The following MSI2 variants were observed in gnomAD, a reference collection of about 807,000 sequenced individuals.
MSI2 encodes RNA-binding protein Musashi homolog 2.
MSI2 carries 17 observed loss-of-function variants against 45.6 expected under a neutral mutation model. The observed-to-expected ratio is 0.37, with a 90% CI of 0.26 to 0.56. The LOEUF is 0.56. Among genes scored for constraint, MSI2 ranks in the 20% least tolerant of loss-of-function variants. MSI2 has a pLI of 0.77. For synonymous variants in MSI2, 156 were observed against 158.2 expected (o/e 0.99, Z 0.11); for missense variants, 293 against 444.2 (o/e 0.66, Z 3.06).
At chr17:57,669,396 G>T (rs971352125) in intron 11 of MSI2, among the ~76,000 whole-genome samples, 1 of 152,212 alleles carries the variant, frequency 6.6e-6, no homozygotes, top group Non-Finnish European at 1.5e-5. Flanking sequence ...GCAGAAAGTT[G>T]CTCTTACTCT....
At chr17:57,473,354 A>G (rs993288238) in intron 6 of MSI2, among the ~76,000 whole-genome samples, 9 of 152,222 alleles carry the variant, frequency 5.9e-5, no homozygotes, top group Non-Finnish European at 1.3e-4. Context: ...ACGGATGTAT[A>G]TATAACTCAT....
At chr17:57,455,290 C>T (rs2085091193) in intron 6 of MSI2, among the ~76,000 whole-genome samples, 1 of 152,186 alleles carries the variant, frequency 6.6e-6, no homozygotes, top group Non-Finnish European at 1.5e-5. Flanking sequence ...GAAGCCCCTG[C>T]CCCCCAACTC....
intron 7 of MSI2, among the ~76,000 whole-genome samples, chr17:57,550,066 C>T (rs2087267223): frequency 6.6e-6 from 1 of 152,226 alleles, no homozygotes; most frequent in Admixed American, 6.5e-5. Context: ...CTCTCCCTAC[C>T]CCATCCCCGC....
At chr17:57,274,780 C>T (rs1158879042) in intron 5 of MSI2, among the ~76,000 whole-genome samples, 3 of 152,150 alleles carry the variant, frequency 2.0e-5, no homozygotes, top group African/African-American at 7.2e-5. Context: ...TTGTTGGCAG[C>T]ACGGGCTTTG....
chr17:57,382,799 C>G (rs971820313), intron 5 of MSI2, among the ~76,000 whole-genome samples: 2 of 152,170 alleles, frequency 1.3e-5, no homozygotes, highest in Non-Finnish European at 2.9e-5. Context: ...TAAAACTAAG[C>G]CAAATGTCTT....
intron 8 of MSI2, among the ~76,000 whole-genome samples, chr17:57,602,469 C>T (rs908239335): frequency 1.2e-4 from 18 of 152,200 alleles, no homozygotes; most frequent in African/African-American, 2.9e-4. Flanking sequence ...TCTCGTGCCT[C>T]GGCCTCCCGA....
chr17:57,503,702 C>A (rs1176090204), intron 6 of MSI2, among the ~76,000 whole-genome samples: 2 of 152,162 alleles, frequency 1.3e-5, no homozygotes, highest in African/African-American at 4.8e-5. Context: ...GATGTGGTTC[C>A]TGTTCACAGG....
chr17:57,652,701 A>G lies in MSI2; in HGVS notation c.790+540A>G, dbSNP rs953051421. Among the ~76,000 whole-genome samples the G allele has an allele frequency of 1.1e-4, 16 of 152,322 alleles. No homozygotes were observed. Among genetic ancestry groups the G allele is most frequent in the East Asian group, 5.8e-4 (3 of 5,182 alleles). On this transcript the variant is annotated intron_variant, in intron 11 of 13. Transcript: ENST00000284073. The surrounding 1 kb of genome is among the most constrained non-coding windows in gnomAD (Gnocchi z 4.1). ...TGTTTCTGGAGCCGCTGTGCCTCCC[A>G]GACTCTTCTTAGCCAGACTCCTCAG...
chr17:57,407,607 G>A lies in MSI2; in HGVS notation c.405+6136G>A, dbSNP rs936297541. ...TTTGTCCTCTGAAGTGGTTCATGTA[G>A]GTGGGTTGCCCGGGGAGTGGTCAGC... On this transcript the variant is annotated intron_variant, in intron 6 of 13. Coordinates refer to ENST00000284073, the MANE Select transcript of MSI2 (RefSeq NM_138962.4). The surrounding 1 kb of genome is among the most constrained non-coding windows in gnomAD (Gnocchi z 4.1). Among the ~76,000 whole-genome samples, 2 of 152,128 alleles carry A rather than the reference G, an allele frequency of 1.3e-5. No homozygotes were observed. Among genetic ancestry groups the A allele is most frequent in the African/African-American group, 4.8e-5 (2 of 41,422 alleles).
chr17:57,464,645 G>A (rs1448057485), intron 6 of MSI2, among the ~76,000 whole-genome samples: 3 of 152,128 alleles, frequency 2.0e-5, no homozygotes, highest in Non-Finnish European at 4.4e-5. Flanking sequence ...CAGCTGGAAG[G>A]AGGAGATGGG....
chr17:57,571,145 TCTAA>T (rs1226586697), intron 7 of MSI2, among the ~76,000 whole-genome samples: 38 of 152,172 alleles, frequency 2.5e-4, no homozygotes, highest in African/African-American at 8.9e-4. Context: ...CTGTGGTGGC[TCTAA>T]CTAGGAATCG....
chr17:57,292,838 A>G (rs1910537924), intron 5 of MSI2, among the ~76,000 whole-genome samples: 1 of 152,134 alleles, frequency 6.6e-6, no homozygotes, highest in Non-Finnish European at 1.5e-5. Flanking sequence ...TGCTGAAGGA[A>G]GTATAAATGT....
At chr17:57,664,241 G>A (rs948757707) in intron 11 of MSI2, among the ~76,000 whole-genome samples, 7 of 152,320 alleles carry the variant, frequency 4.6e-5, no homozygotes, top group Non-Finnish European at 7.3e-5. Flanking sequence ...AGAACAGGCC[G>A]GGCACGGTGA....
intron 5 of MSI2, among the ~76,000 whole-genome samples, chr17:57,348,557 C>G (rs927506019): frequency 1.3e-5 from 2 of 152,142 alleles, no homozygotes; most frequent in African/African-American, 2.4e-5. Flanking sequence ...GTTTAAAAAG[C>G]CTGGCACCTC....
At chr17:57,509,671 T>G (rs1460881459) in intron 6 of MSI2, among the ~76,000 whole-genome samples, 3 of 152,160 alleles carry the variant, frequency 2.0e-5, no homozygotes, top group Non-Finnish European at 4.4e-5. Context: ...TGCACCCACC[T>G]CGGCCTCCCA....
intron 9 of MSI2, among the ~76,000 whole-genome samples, chr17:57,621,495 A>C (rs1462003727): frequency 6.6e-6 from 1 of 152,246 alleles, no homozygotes; most frequent in Non-Finnish European, 1.5e-5. Context: ...ACTGTTCTAG[A>C]TGCTGAAAAT....
At chr17:57,413,406 GC>G (rs1286595215) in intron 6 of MSI2, among the ~76,000 whole-genome samples, 1 of 149,930 alleles carries the variant, frequency 6.7e-6, no homozygotes, top group Non-Finnish European at 1.5e-5. Flanking sequence ...CTTGCCGGTT[GC>G]CCTGGCTTTG....
intron 7 of MSI2, among the ~76,000 whole-genome samples, chr17:57,587,810 C>T (rs979831509): frequency 2.0e-5 from 3 of 152,144 alleles, no homozygotes; most frequent in African/African-American, 4.8e-5. Context: ...TTGTTTCTCT[C>T]CTCATTATTA....
chr17:57,595,048 G>A (rs569351378), intron 7 of MSI2, among the ~76,000 whole-genome samples: 23 of 152,230 alleles, frequency 1.5e-4, no homozygotes, highest in Admixed American at 5.9e-4. Context: ...TTCTCATACC[G>A]AAGAATCTGC....
Sources: gnomAD v4.1 joint callset for allele counts (sites outside exome capture counted in the v4.1 genomes callset) on GRCh38, gnomAD v4.1.1 for gene constraint, Gnocchi (gnomAD v3.1) non-coding constraint, MANE v1.5 for transcripts, NCBI Gene and HGNC (gene_info 2026-07-23, HGNC 2026-07-21) for gene names.